PCDHA13: variants seen among roughly 807,000 people sequenced by gnomAD.
PCDHA13 encodes protocadherin alpha 13.
A neutral mutation model predicts 64.8 loss-of-function variants in PCDHA13; 54 were observed. The observed-to-expected ratio is 0.83, with a 90% CI of 0.67 to 1.04. PCDHA13 has a LOEUF of 1.04. PCDHA13 is among the 50% of genes least tolerant of loss of function. The probability of loss-of-function intolerance (pLI) is 0.00; values close to 1 mark genes in which losing one functional copy is unlikely to be tolerated. For missense variants in PCDHA13, 1,248 were observed against 1,254.3 expected (o/e 0.99, Z 0.08); for synonymous variants, 587 against 564.4 (o/e 1.04, Z -0.57).
At chr5:140,922,547 G>A (rs1269163353) in intron 1 of PCDHA13, among the ~76,000 whole-genome samples, 2 of 152,192 alleles carry the variant, frequency 1.3e-5, no homozygotes, top group Non-Finnish European at 2.9e-5. Context: ...GGCAAGGTAA[G>A]GAGAAAAGTC....
intron 1 of PCDHA13, among the ~76,000 whole-genome samples, chr5:140,947,885 A>G (rs2094188913): frequency 6.6e-6 from 1 of 151,584 alleles, no homozygotes; most frequent in Non-Finnish European, 1.5e-5. Context: ...AGGACAATAT[A>G]AACAGAAGTG....
intron 3 of PCDHA13, among the ~76,000 whole-genome samples, chr5:140,989,272 T>C (rs1554250681): frequency 6.6e-6 from 1 of 152,204 alleles, no homozygotes. Flanking sequence ...AAGTTTCTGC[T>C]GGGGACATCT....
intron 1 of PCDHA13, among the ~76,000 whole-genome samples, chr5:140,890,015 T>C (rs553399283): frequency 2.8e-4 from 43 of 152,210 alleles, no homozygotes; most frequent in African/African-American, 1.0e-3. Flanking sequence ...GCCAGAAAAA[T>C]GTAGAAGGCT....
At chr5:140,926,537 T>C (rs1584447910) in intron 1 of PCDHA13, 2 of 211,572 alleles carry the variant, frequency 9.5e-6, no homozygotes, top group African/African-American at 2.3e-5. Flanking sequence ...GCAGCCAGCG[T>C]GGTGGTCGAG....
Position 140,993,262 on chromosome 5 carries a change from C to T in PCDHA13, c.2542+10699C>T, listed in dbSNP as rs75542242. ...CTGGGGATTTAGATATATAAATTAG[C>T]TTCTTTGGTCTTTTCTTGCCCAGGG... On this transcript the variant is annotated intron_variant, in intron 3 of 3. Transcript: ENST00000289272. Among the ~76,000 whole-genome samples the T allele has an allele frequency of 6.3e-3, 965 of 152,148 alleles. 15 individuals are homozygous for T. Among genetic ancestry groups the T allele is most frequent in the African/African-American group, 0.023 (934 of 41,492 alleles).
At chr5:140,888,210 T>TTG (rs1325850915) in intron 1 of PCDHA13, among the ~76,000 whole-genome samples, 2 of 152,080 alleles carry the variant, frequency 1.3e-5, no homozygotes, top group Admixed American at 1.3e-4. Context: ...ATGCTGGATT[T>TTG]TGTGTGTGTG....
chr5:140,924,909 AAT>A (rs1563069038), intron 1 of PCDHA13, among the ~76,000 whole-genome samples: 1,502 of 66,200 alleles, frequency 0.023, 33 homozygotes, highest in African/African-American at 0.07. Context: ...AAAAAAATAA[AAT>A]AAAATAAAAT....
intron 1 of PCDHA13, among the ~76,000 whole-genome samples, chr5:140,948,380 C>T (rs1554218531): frequency 2.6e-5 from 4 of 151,612 alleles, no homozygotes; most frequent in African/African-American, 4.8e-5. Flanking sequence ...GTTCCTTCCT[C>T]TATTTTCTGA....
chr5:140,932,187 T>C (rs2153611225), intron 1 of PCDHA13, among the ~76,000 whole-genome samples: 1 of 152,028 alleles, frequency 6.6e-6, no homozygotes, highest in Admixed American at 6.5e-5. Context: ...CTCATGTCCA[T>C]TTTTTTCTGT....
At chr5:140,952,847 T>C (rs1199940738) in intron 1 of PCDHA13, among the ~76,000 whole-genome samples, 1 of 152,160 alleles carries the variant, frequency 6.6e-6, no homozygotes, top group Middle Eastern at 3.2e-3. Flanking sequence ...TCTGCTTGTC[T>C]TCTGGGGAGG....
chr5:140,890,739 C>T (rs1202760840), intron 1 of PCDHA13, among the ~76,000 whole-genome samples: 1 of 152,112 alleles, frequency 6.6e-6, no homozygotes, highest in Non-Finnish European at 1.5e-5. Flanking sequence ...GACTTATATA[C>T]TATTTCTGTC....
At chr5:140,958,199 A>G (rs2095413345) in intron 1 of PCDHA13, among the ~76,000 whole-genome samples, 1 of 152,140 alleles carries the variant, frequency 6.6e-6, no homozygotes, top group Non-Finnish European at 1.5e-5. Context: ...GGTCTAGTAT[A>G]CAAGGGAATT....
chr5:141,009,330 G>A (rs1355837607), intron 3 of PCDHA13, among the ~76,000 whole-genome samples: 2 of 152,192 alleles, frequency 1.3e-5, no homozygotes, highest in African/African-American at 2.4e-5. Context: ...ATGGGAGCTT[G>A]TGCCTGTAGT....
At chr5:141,007,638 T>G (rs1393056593) in intron 3 of PCDHA13, among the ~76,000 whole-genome samples, 7 of 152,128 alleles carry the variant, frequency 4.6e-5, no homozygotes, top group African/African-American at 1.7e-4. Context: ...GCCCTCCCTG[T>G]ATTTGCCTAA....
chr5:140,883,581 C>A lies in PCDHA13; in HGVS notation c.1313C>A (p.Thr438Lys). The A allele has an allele frequency of 1.2e-6, 2 of 1,614,018 alleles. No individual in the cohort carries two copies. Among genetic ancestry groups the A allele is most frequent in the Non-Finnish European group, 1.7e-6 (2 of 1,179,948 alleles). ...RDGGSPSLWA[T>K]ASVSVGVADV... is the part of the protein sequence containing the mutation. ...GGGGGCTCGCCTTCGCTGTGGGCCA[C>A]GGCCAGCGTGTCGGTGGGGGTGGCC... Residue 438 changes from threonine to lysine, a missense_variant, in exon 1 of 4, where the codon ACG becomes AAG. Transcript: ENST00000289272.
In PCDHA13 at chr5:140,968,374, C is replaced by T. The variant is rs782537254; in HGVS notation, c.2395-10575C>T. On this transcript the variant is annotated intron_variant, in intron 1 of 3. Coordinates refer to ENST00000289272, the MANE Select transcript of PCDHA13 (RefSeq NM_018904.3). ...GTGGCAGCCTTTATGCTGTCAACTC[C>T]TTTGACTATGAGAAGTTTCGGGAGT... is the stretch of plus-strand genomic sequence containing the variant. 5.0e-6 allele frequency: 8 copies of T among 1,614,064 alleles called. No homozygotes were observed. The Admixed American group carries it at 1.0e-4, about 20-fold the overall frequency.
chr5:140,925,455 T>TTG, intron 1 of PCDHA13, among the ~76,000 whole-genome samples: 1 of 152,222 alleles, frequency 6.6e-6, no homozygotes, highest in East Asian at 1.9e-4. Flanking sequence ...GGTGTATCTG[T>TTG]TGTGGCTCAG....
intron 1 of PCDHA13, chr5:140,966,540 C>G (rs1477712677): frequency 4.3e-6 from 2 of 462,788 alleles, no homozygotes; most frequent in African/African-American, 2.0e-5. Flanking sequence ...TTGAGCGACT[C>G]GGAGGCGAGC....
At chr5:140,922,210 A>AAC (rs2080722350) in intron 1 of PCDHA13, among the ~76,000 whole-genome samples, 2 of 152,232 alleles carry the variant, frequency 1.3e-5, no homozygotes, top group Admixed American at 1.3e-4. Context: ...GAAACTTTGT[A>AAC]AAACATTTGA....
Sources: gnomAD v4.1 joint callset for allele counts (sites outside exome capture counted in the v4.1 genomes callset) on GRCh38, gnomAD v4.1.1 for gene constraint, MANE v1.5 for transcripts, NCBI Gene and HGNC (gene_info 2026-07-23, HGNC 2026-07-21) for gene names.